The following SORBS2 variants were observed in gnomAD, a reference collection of about 807,000 sequenced individuals.
SORBS2 encodes the protein sorbin and SH3 domain-containing protein 2.
In SORBS2, 46 loss-of-function variants were observed where a neutral mutation model predicts 97.7. That is an observed-to-expected ratio of 0.47 (90% CI 0.37 to 0.60). The LOEUF (loss-of-function observed/expected upper bound fraction) is 0.60. Among genes scored for constraint, SORBS2 ranks in the 20% least tolerant of loss-of-function variants. The pLI is 0.00. For synonymous variants in SORBS2, 476 were observed against 473.4 expected (o/e 1.01, Z -0.07); for missense variants, 1,316 against 1,282.3 (o/e 1.03, Z -0.40).
At chr4:185,908,985 C>T (rs982822451) in intron 1 of SORBS2, among the ~76,000 whole-genome samples, 1 of 151,550 alleles carries the variant, frequency 6.6e-6, no homozygotes. Context: ...TGGGTTTCTA[C>T]CCAAAGGAAA....
intron 1 of SORBS2, among the ~76,000 whole-genome samples, chr4:185,918,865 A>T (rs1235579237): frequency 6.6e-6 from 1 of 152,186 alleles, no homozygotes; most frequent in Non-Finnish European, 1.5e-5. Context: ...TACAGTTTCC[A>T]CGTATGTTCA....
chr4:185,864,599 G>C (rs571506711), intron 1 of SORBS2, among the ~76,000 whole-genome samples: 1 of 152,120 alleles, frequency 6.6e-6, no homozygotes, highest in African/African-American at 2.4e-5. Flanking sequence ...AAGAGAAAAC[G>C]CCTTGGTAAG....
At chr4:185,703,203 C>T (rs527616845) in intron 2 of SORBS2, among the ~76,000 whole-genome samples, 7 of 152,246 alleles carry the variant, frequency 4.6e-5, no homozygotes, top group African/African-American at 1.4e-4. Context: ...AGAATTTGAT[C>T]GTTCCTAAAA....
intron 1 of SORBS2, among the ~76,000 whole-genome samples, chr4:185,916,435 C>G (rs867778787): frequency 3.3e-5 from 5 of 152,174 alleles, no homozygotes; most frequent in African/African-American, 4.8e-5. Flanking sequence ...GAGTGCAAAC[C>G]ACCCAGTCAC....
At chr4:185,635,103 A>G (rs1032877741) in intron 4 of SORBS2, among the ~76,000 whole-genome samples, 12 of 152,214 alleles carry the variant, frequency 7.9e-5, no homozygotes, top group Non-Finnish European at 1.6e-4. Flanking sequence ...GCTGAATACC[A>G]GAACTACATA....
At chr4:185,802,864 A>G (rs2099137016) in intron 1 of SORBS2, among the ~76,000 whole-genome samples, 1 of 152,234 alleles carries the variant, frequency 6.6e-6, no homozygotes, top group South Asian at 2.1e-4. Context: ...ATATTTCTCC[A>G]TGTCAATCAA....
intron 1 of SORBS2, among the ~76,000 whole-genome samples, chr4:185,826,469 C>T (rs1029982832): frequency 2.0e-5 from 3 of 152,182 alleles, no homozygotes; most frequent in Admixed American, 2.0e-4. Flanking sequence ...TTGCCCTGTG[C>T]ATTATTCATA....
rs184597767 is a variant in SORBS2, at chr4:185,912,004, T to C, written c.-338+44192A>G. On this transcript the variant is annotated intron_variant, in intron 1 of 20. Coordinates refer to the SORBS2 transcript ENST00000284776. ...TATGGAAAAACATGGACTTTGATGA[T>C]TCACAATTGAAAAGTGACTCAGAAG... Among the ~76,000 whole-genome samples, 51 of 152,346 alleles carry C rather than the reference T, an allele frequency of 3.3e-4. 1 individual carries two copies. Among genetic ancestry groups the C allele is most frequent in the Middle Eastern group, 6.8e-3 (2 of 294 alleles).
intron 2 of SORBS2, among the ~76,000 whole-genome samples, chr4:185,707,690 C>A (rs762379014): frequency 6.6e-6 from 1 of 152,106 alleles, no homozygotes; most frequent in African/African-American, 2.4e-5. Context: ...TTAATTGACT[C>A]ACAGTTCCAC....
At chr4:185,714,664 G>C (rs1443632022) in intron 2 of SORBS2, among the ~76,000 whole-genome samples, 1 of 152,184 alleles carries the variant, frequency 6.6e-6, no homozygotes, top group Non-Finnish European at 1.5e-5. Context: ...CATGGCAGAA[G>C]GCAAAGGAGG....
Position 185,684,811 on chromosome 4 carries a change from A to G in SORBS2, c.-197-5989T>C. ...CTCTTCACAGATGTTAGCGTAACAG[A>G]CATGGCGGCACGTTTGCGAGCACAC... On this transcript the variant is annotated intron_variant, in intron 2 of 20. Coordinates refer to the SORBS2 transcript ENST00000284776. This position sits in a 1 kb window ranked among gnomAD's most constrained non-coding sequence, Gnocchi z 4.2. 1 of 1,552,002 alleles carries G rather than the reference A, an allele frequency of 6.4e-7. No homozygotes were observed. The highest frequency in any genetic ancestry group is 8.7e-7 in the Non-Finnish European group (1 of 1,147,052).
At chr4:185,759,102 C>T (rs933803316) in intron 2 of SORBS2, among the ~76,000 whole-genome samples, 6 of 152,118 alleles carry the variant, frequency 3.9e-5, no homozygotes, top group South Asian at 4.1e-4. Context: ...GGACAGTGCT[C>T]GGATTTGCAT....
chr4:185,907,931 C>T (rs2099252039), intron 1 of SORBS2, among the ~76,000 whole-genome samples: 1 of 152,036 alleles, frequency 6.6e-6, no homozygotes, highest in Non-Finnish European at 1.5e-5. Flanking sequence ...AGAATTGAAA[C>T]AATCCCAGAA....
chr4:185,949,851 G>A (rs1229275416), intron 1 of SORBS2, among the ~76,000 whole-genome samples: 2 of 152,058 alleles, frequency 1.3e-5, no homozygotes, highest in South Asian at 2.1e-4. Context: ...TTCATCATGC[G>A]AAACTCAAGT....
At chr4:185,788,281 T>C (rs900247799) in intron 1 of SORBS2, among the ~76,000 whole-genome samples, 3 of 152,184 alleles carry the variant, frequency 2.0e-5, no homozygotes, top group Non-Finnish European at 4.4e-5. Context: ...AGAAAAGAGA[T>C]ACCGACAGAG....
Position 185,676,900 on chromosome 4 carries a change from A to C in SORBS2, c.-46+1523T>G. 3 of 951,022 alleles carry C rather than the reference A, an allele frequency of 3.2e-6. 1 individual carries two copies. Among genetic ancestry groups the C allele is most frequent in the South Asian group, 3.6e-5 (2 of 55,514 alleles). 58.9% of individuals were successfully genotyped at this position (951,022 alleles called of 1,614,324 possible). ...CCTTTCCCTTCCTGCTTGGAAACTA[A>C]GAAAGCATTAGGTCATATAAGAAGC... On this transcript the variant is annotated intron_variant, in intron 4 of 20. Transcript: ENST00000284776.
intron 1 of SORBS2, among the ~76,000 whole-genome samples, chr4:185,888,950 C>A (rs903999854): frequency 6.6e-6 from 1 of 152,232 alleles, no homozygotes; most frequent in African/African-American, 2.4e-5. Flanking sequence ...TTCCAAATTG[C>A]CAGTGCATAG....
At chr4:185,885,922 G>T (rs1225909335) in intron 1 of SORBS2, among the ~76,000 whole-genome samples, 1 of 152,184 alleles carries the variant, frequency 6.6e-6, no homozygotes, top group Non-Finnish European at 1.5e-5. Flanking sequence ...TTGATGCGTA[G>T]GTGCCAACAG....
chr4:185,955,551 T>C (rs907293493), intron 1 of SORBS2, among the ~76,000 whole-genome samples: 24 of 152,246 alleles, frequency 1.6e-4, no homozygotes, highest in African/African-American at 5.3e-4. Context: ...CATGGGTCTT[T>C]TGTTACTCTA....
Sources: gnomAD v4.1 joint callset for allele counts (sites outside exome capture counted in the v4.1 genomes callset) on GRCh38, gnomAD v4.1.1 for gene constraint, Gnocchi (gnomAD v3.1) non-coding constraint, MANE v1.5 for transcripts, NCBI Gene and HGNC (gene_info 2026-07-23, HGNC 2026-07-21) for gene names.